The following DLGAP2 variants were observed in gnomAD, a reference collection of about 807,000 sequenced individuals.
DLGAP2 encodes DLG associated protein 2, also known as disks large-associated protein 2.
DLGAP2 carries 26 observed loss-of-function variants against 100.3 expected under a neutral mutation model. The ratio of observed to expected loss-of-function variants is 0.26; its 90% CI spans 0.19 to 0.36. DLGAP2 has a LOEUF of 0.36. Ranked by LOEUF, DLGAP2 falls within the 10% of genes least tolerant of loss-of-function variation. DLGAP2 has a pLI of 1.00. For synonymous variants in DLGAP2, 886 were observed against 630.1 expected (o/e 1.41, Z -6.08); for missense variants, 1,858 against 1,453.2 (o/e 1.28, Z -4.53).
At chr8:1,175,296 G>T (rs746923191) in intron 2 of DLGAP2, among the ~76,000 whole-genome samples, 23 of 151,918 alleles carry the variant, frequency 1.5e-4, no homozygotes, top group Non-Finnish European at 2.8e-4. Flanking sequence ...TGCATTTCAT[G>T]GGGAAGATCA....
chr8:1,601,255 A>G (rs1301499951), intron 6 of DLGAP2, among the ~76,000 whole-genome samples: 1 of 152,194 alleles, frequency 6.6e-6, no homozygotes, highest in African/African-American at 2.4e-5. Context: ...GCTTCGTCCC[A>G]GAGGGACTCC....
At chr8:1,264,123 T>C (rs1011068181) in intron 3 of DLGAP2, among the ~76,000 whole-genome samples, 15 of 151,796 alleles carry the variant, frequency 9.9e-5, no homozygotes, top group African/African-American at 3.6e-4. Flanking sequence ...CTGTACAATA[T>C]GTAACACAAT....
intron 1 of DLGAP2, among the ~76,000 whole-genome samples, chr8:779,702 T>G (rs1821635687): frequency 6.6e-6 from 1 of 152,106 alleles, no homozygotes; most frequent in African/African-American, 2.4e-5. Context: ...TCTACCACTG[T>G]TAGCCATCCA....
At chr8:1,344,143 C>G (rs79828219) in intron 3 of DLGAP2, among the ~76,000 whole-genome samples, 21 of 75,998 alleles carry the variant, frequency 2.8e-4, no homozygotes, top group East Asian at 2.7e-3. Context: ...TCCGTGTACT[C>G]GGGGCCCTGT....
chr8:1,507,755 C>G (rs1030313179), intron 4 of DLGAP2, among the ~76,000 whole-genome samples: 2 of 152,092 alleles, frequency 1.3e-5, no homozygotes, highest in Non-Finnish European at 2.9e-5. Context: ...AGGTCCTCAG[C>G]CACCGAGTCT....
At chr8:1,483,114 G>A (rs371225207) in intron 3 of DLGAP2, among the ~76,000 whole-genome samples, 11 of 152,180 alleles carry the variant, frequency 7.2e-5, no homozygotes, top group African/African-American at 2.4e-4. Context: ...AACCACGCTC[G>A]GTGCCGGCAG....
chr8:1,148,617 TTGAA>T (rs1325014802), intron 2 of DLGAP2, among the ~76,000 whole-genome samples: 6 of 152,120 alleles, frequency 3.9e-5, no homozygotes, highest in African/African-American at 1.2e-4. Context: ...CATTTAATAA[TTGAA>T]TGAGCTTCAG....
At chr8:1,129,962 G>C (rs1796251513) in intron 2 of DLGAP2, among the ~76,000 whole-genome samples, 1 of 152,212 alleles carries the variant, frequency 6.6e-6, no homozygotes, top group Non-Finnish European at 1.5e-5. Context: ...CATTTGTAAA[G>C]TGAGTAAGGA....
chr8:1,684,516 A>G (rs1799062236), intron 12 of DLGAP2, among the ~76,000 whole-genome samples: 2 of 152,130 alleles, frequency 1.3e-5, no homozygotes, highest in African/African-American at 2.4e-5. Context: ...TGAAATTTCC[A>G]TTATATGAAG....
At chr8:1,450,544 C>G (rs1798128495) in intron 3 of DLGAP2, among the ~76,000 whole-genome samples, 1 of 151,846 alleles carries the variant, frequency 6.6e-6, no homozygotes, top group South Asian at 2.1e-4. Flanking sequence ...ATAATTAAGG[C>G]ACTGCGGGGC....
At chr8:1,590,914 C>G (rs554447277) in intron 6 of DLGAP2, among the ~76,000 whole-genome samples, 1 of 152,368 alleles carries the variant, frequency 6.6e-6, no homozygotes, top group East Asian at 1.9e-4. Context: ...CTTAACCATT[C>G]TTTAAGCCAC....
rs186135845 is a variant in DLGAP2 at position 1,563,236 on chromosome 8, G to A, written c.1231-2447G>A. ...GGGGGACTGGTGTTGGAGTGTCTGC[G>A]CCTCGTTACTGGGGGACTGTGTGGT... On this transcript the variant is annotated intron_variant, in intron 5 of 14. Coordinates refer to ENST00000637795, the MANE Select transcript of DLGAP2 (RefSeq NM_001346810.2). Among the ~76,000 whole-genome samples the A allele has an allele frequency of 6.0e-3, 245 of 40,772 alleles. 30 individuals carry two copies. The highest frequency in any genetic ancestry group is 0.024 in the African/African-American group (232 of 9,562). 26.7% of individuals were successfully genotyped at this position (40,772 alleles called of 152,430 possible). A position where few individuals can be genotyped will look rare whatever the true frequency, so the allele number is the denominator to read the frequency against.
At chr8:1,097,424 C>T (rs529386590) in intron 2 of DLGAP2, among the ~76,000 whole-genome samples, 26 of 125,050 alleles carry the variant, frequency 2.1e-4, no homozygotes, top group Middle Eastern at 6.4e-3. Context: ...TGGAGAGGAC[C>T]CCTCCAGCGT....
At chr8:842,391 C>G (rs936048453) in intron 1 of DLGAP2, among the ~76,000 whole-genome samples, 1 of 152,200 alleles carries the variant, frequency 6.6e-6, no homozygotes, top group South Asian at 2.1e-4. Context: ...TCTGTATTCC[C>G]CTAACCTAAC....
At chr8:1,199,501 G>A (rs764466694) in intron 2 of DLGAP2, among the ~76,000 whole-genome samples, 5 of 152,174 alleles carry the variant, frequency 3.3e-5, no homozygotes, top group Non-Finnish European at 5.9e-5. Flanking sequence ...TCCAGTGAAG[G>A]CTGCCTGTGT....
chr8:1,080,764 A>C (rs1459128260), intron 2 of DLGAP2, among the ~76,000 whole-genome samples: 1 of 152,172 alleles, frequency 6.6e-6, no homozygotes, highest in Non-Finnish European at 1.5e-5. Flanking sequence ...CCTGTGCACT[A>C]ATATATTTAA....
intron 6 of DLGAP2, among the ~76,000 whole-genome samples, chr8:1,577,298 G>A (rs1200370492): frequency 6.6e-6 from 1 of 152,208 alleles, no homozygotes; most frequent in African/African-American, 2.4e-5. Flanking sequence ...GCTGGGCGCG[G>A]TGGCTCATGC....
At chr8:1,344,663 T>A (rs562557292) in intron 3 of DLGAP2, among the ~76,000 whole-genome samples, 2 of 152,262 alleles carry the variant, frequency 1.3e-5, no homozygotes, top group South Asian at 4.2e-4. Context: ...TGGGCTCCAC[T>A]CATTCTCCAC....
chr8:795,702 G>A (rs1250973813), intron 1 of DLGAP2, among the ~76,000 whole-genome samples: 21 of 149,740 alleles, frequency 1.4e-4, no homozygotes, highest in East Asian at 4.0e-4. Context: ...GAGAGCAGGC[G>A]TCCAGTGAGA....
Sources: allele counts gnomAD v4.1 joint callset (sites outside exome capture counted in the v4.1 genomes callset), GRCh38; gene constraint gnomAD v4.1.1; transcripts MANE v1.5; gene names NCBI Gene and HGNC (gene_info 2026-07-23, HGNC 2026-07-21).